KCNJ6: variants seen among roughly 807,000 people sequenced by gnomAD.
KCNJ6 encodes potassium inwardly rectifying channel subfamily J member 6.
Under a neutral mutation model 34.2 loss-of-function variants are expected in KCNJ6, and 9 were observed. The observed-to-expected ratio is 0.26, with a 90% confidence interval of 0.16 to 0.46. The LOEUF is 0.46. Among genes scored for constraint, KCNJ6 ranks in the 20% least tolerant of loss-of-function variants. The pLI, the probability that KCNJ6 is intolerant of heterozygous loss-of-function variation, is 1.00. For synonymous variants in KCNJ6, 196 were observed against 207.1 expected (o/e 0.95, Z 0.46); for missense variants, 236 against 531.3 (o/e 0.44, Z 5.46).
At chr21:37,664,077 T>C (rs1300380320) in intron 3 of KCNJ6, among the ~76,000 whole-genome samples, 2 of 152,206 alleles carry the variant, frequency 1.3e-5, no homozygotes, top group African/African-American at 4.8e-5. Flanking sequence ...TAAAACACCA[T>C]ACTTTTGGAA....
At chr21:37,874,023 T>C (rs1026699235) in intron 1 of KCNJ6, among the ~76,000 whole-genome samples, 10 of 152,172 alleles carry the variant, frequency 6.6e-5, no homozygotes, top group African/African-American at 2.4e-4. Flanking sequence ...ACAGCAGAAC[T>C]CCTTAGAAAA....
At chr21:37,910,629 C>T (rs376181329) in intron 1 of KCNJ6, among the ~76,000 whole-genome samples, 1 of 152,112 alleles carries the variant, frequency 6.6e-6, no homozygotes, top group South Asian at 2.1e-4. Context: ...GGAATAAGAC[C>T]GGTGATACAT....
chr21:37,731,236 G>T (rs934571092), intron 2 of KCNJ6, among the ~76,000 whole-genome samples: 11 of 152,130 alleles, frequency 7.2e-5, no homozygotes, highest in African/African-American at 2.7e-4. Context: ...AGAAGAAGTG[G>T]AAATAATGGA....
intron 3 of KCNJ6, among the ~76,000 whole-genome samples, chr21:37,668,145 C>T (rs1222498991): frequency 6.6e-6 from 1 of 152,114 alleles, no homozygotes; most frequent in Non-Finnish European, 1.5e-5. Context: ...TGGGGCAGTT[C>T]TGTGCATGCT....
intron 2 of KCNJ6, among the ~76,000 whole-genome samples, chr21:37,737,160 AGTGC>A (rs2054917297): frequency 6.6e-6 from 1 of 152,186 alleles, no homozygotes; most frequent in Non-Finnish European, 1.5e-5. Flanking sequence ...ACTGTGCATC[AGTGC>A]CCGATGGCAA....
intron 1 of KCNJ6, among the ~76,000 whole-genome samples, chr21:37,855,429 G>A (rs1157546454): frequency 6.6e-6 from 1 of 152,140 alleles, no homozygotes; most frequent in African/African-American, 2.4e-5. Context: ...TCGCTCTATT[G>A]TGACTGTTCT....
intron 2 of KCNJ6, among the ~76,000 whole-genome samples, chr21:37,767,495 C>A (rs1004699145): frequency 6.6e-6 from 1 of 152,152 alleles, no homozygotes; most frequent in African/African-American, 2.4e-5. Context: ...GAGGCTGGGC[C>A]ACACTTGGGA....
chr21:37,637,608 T>C (rs1367126657), intron 3 of KCNJ6, among the ~76,000 whole-genome samples: 1 of 152,200 alleles, frequency 6.6e-6, no homozygotes, highest in African/African-American at 2.4e-5. Flanking sequence ...ATCTTATGTG[T>C]GAGCAAACTA....
At chr21:37,842,926 C>T (rs79369826) in intron 1 of KCNJ6, among the ~76,000 whole-genome samples, 1,535 of 152,256 alleles carry the variant, frequency 0.01, 30 homozygotes, top group African/African-American at 0.035. Flanking sequence ...TGTGTCAGTC[C>T]GTCTAGCTGT....
chr21:37,833,563 C>G (rs990495984), intron 2 of KCNJ6, among the ~76,000 whole-genome samples: 18 of 152,118 alleles, frequency 1.2e-4, no homozygotes, highest in Non-Finnish European at 2.9e-5. Flanking sequence ...TGTGAAAACG[C>G]AGGTGGAGAT....
At chr21:37,889,064 G>A (rs143256924) in intron 1 of KCNJ6, among the ~76,000 whole-genome samples, 16 of 152,310 alleles carry the variant, frequency 1.1e-4, no homozygotes, top group African/African-American at 3.9e-4. Flanking sequence ...GAAGGTAGGA[G>A]ATGCTGAGGG....
intron 3 of KCNJ6, among the ~76,000 whole-genome samples, chr21:37,660,547 A>T (rs2054483484): frequency 6.6e-6 from 1 of 152,304 alleles, no homozygotes; most frequent in East Asian, 1.9e-4. Flanking sequence ...TACTATGGCC[A>T]CAGAATGCAT....
At chr21:37,698,383 C>T (rs867588440) in intron 3 of KCNJ6, among the ~76,000 whole-genome samples, 6 of 152,200 alleles carry the variant, frequency 3.9e-5, no homozygotes, top group Admixed American at 1.3e-4. Context: ...ACTCGAAGAG[C>T]GGTTCTGGCT....
chr21:37,695,216 T>C lies in KCNJ6; in HGVS notation c.946+18995A>G, dbSNP rs2054658716. ...CCAATAAATTTGATTCCAGGCATTG[T>C]TGCAACCACAAGGGAGACCTGGCTT... On this transcript the variant is annotated intron_variant, in intron 3 of 3. Transcript: ENST00000609713. This position sits in a 1 kb window ranked among gnomAD's most constrained non-coding sequence, Gnocchi z 4.2. Among the ~76,000 whole-genome samples, 1 of 152,206 alleles carries C rather than the reference T, an allele frequency of 6.6e-6. No individual in the cohort carries two copies. The highest frequency in any genetic ancestry group is 1.5e-5 in the Non-Finnish European group (1 of 68,030).
chr21:37,627,293 T>C (rs2054315514), intron 3 of KCNJ6, among the ~76,000 whole-genome samples: 1 of 152,180 alleles, frequency 6.6e-6, no homozygotes, highest in Non-Finnish European at 1.5e-5. Flanking sequence ...AATGTTTCCC[T>C]GAATGACCCA....
chr21:37,726,315 G>C (rs2054854283), intron 2 of KCNJ6, among the ~76,000 whole-genome samples: 1 of 152,166 alleles, frequency 6.6e-6, no homozygotes, highest in East Asian at 1.9e-4. Context: ...TATGGTAGAT[G>C]TTATTGTTTT....
At chr21:37,646,683 T>TA (rs1556013439) in intron 3 of KCNJ6, among the ~76,000 whole-genome samples, 55 of 26,362 alleles carry the variant, frequency 2.1e-3, no homozygotes, top group African/African-American at 9.7e-3. Context: ...TTTTTATTTT[T>TA]TTTTTTGAGA....
At chr21:37,857,517 G>A (rs142347376) in intron 1 of KCNJ6, among the ~76,000 whole-genome samples, 45 of 152,340 alleles carry the variant, frequency 3.0e-4, no homozygotes, top group Admixed American at 2.2e-3. Flanking sequence ...GTGTGGCTGA[G>A]TGGAAAAGAA....
intron 1 of KCNJ6, among the ~76,000 whole-genome samples, chr21:37,908,188 C>T (rs911758951): frequency 6.6e-6 from 1 of 152,212 alleles, no homozygotes; most frequent in Non-Finnish European, 1.5e-5. Flanking sequence ...GATCACCACT[C>T]TGTTTCTTCT....
Sources: allele counts gnomAD v4.1 joint callset (sites outside exome capture counted in the v4.1 genomes callset), GRCh38; gene constraint gnomAD v4.1.1; non-coding constraint Gnocchi (gnomAD v3.1); transcripts MANE v1.5; gene names NCBI Gene and HGNC (gene_info 2026-07-23, HGNC 2026-07-21).